HHEX: variants seen among roughly 807,000 people sequenced by gnomAD.
HHEX encodes hematopoietically expressed homeobox, also known as hematopoietically-expressed homeobox protein HHEX.
In HHEX, 8 loss-of-function variants were observed where a neutral mutation model predicts 27.0. The observed-to-expected ratio is 0.30, with a 90% CI of 0.17 to 0.54. The LOEUF (loss-of-function observed/expected upper bound fraction) is 0.54, where lower values mean the gene tolerates loss of function less well. Among genes scored for constraint, HHEX ranks in the 20% least tolerant of loss-of-function variants. The pLI is 0.95. For synonymous variants in HHEX, 164 were observed against 161.5 expected (o/e 1.02, Z -0.12); for missense variants, 326 against 357.2 (o/e 0.91, Z 0.70).
At chr10:92,692,569 G>A (rs1207254110) in intron 2 of HHEX, 23 bp downstream of exon 2, 1 of 1,612,376 alleles carries the variant, frequency 6.2e-7, no homozygotes, top group African/African-American at 1.3e-5. Flanking sequence ...GGGGCCTGGG[G>A]CCGCCTCCGG....
In HHEX at chr10:92,695,592, T is replaced by C. The variant is rs1302052410; in HGVS notation, c.*824T>C. 1.3e-5 allele frequency: 2 copies of C among 152,272 alleles called. No individual in the cohort carries two copies. The highest frequency in any genetic ancestry group is 2.9e-5 in the Non-Finnish European group (2 of 68,044). 9.4% of individuals were successfully genotyped at this position (152,272 alleles called of 1,614,324 possible). On this transcript the variant is annotated 3_prime_UTR_variant, in exon 4 of 4. Coordinates refer to ENST00000282728, the MANE Select transcript of HHEX (RefSeq NM_002729.5). ...AAAAATGGCCAAAATGTGTTTTTTT[T>C]TTAATAAGTAACTTGACTATAAAAT... is the stretch of plus-strand genomic sequence containing the variant.
In HHEX at chr10:92,694,410, T is replaced by A. The variant is rs962746482; in HGVS notation, c.592-137T>A. On this transcript the variant is annotated intron_variant, in intron 3 of 3. Transcript: ENST00000282728. ...AAAGCACAAGTATGTATCTCCTGAA[T>A]AAGATTATAAACTGAAAACACTCAG... 4.5e-6 allele frequency: 3 copies of A among 665,572 alleles called. No homozygotes were observed. In the African/African-American group the frequency reaches 5.5e-5, roughly 12 times the overall value. 41.2% of individuals were successfully genotyped at this position (665,572 alleles called of 1,614,324 possible). A position where few individuals can be genotyped will look rare whatever the true frequency, so the allele number is the denominator to read the frequency against.
rs1418617550 is a variant in HHEX at position 92,690,156 on chromosome 10, C to T, written c.170C>T (p.Ser57Phe). ...CCCACGCTGCCGTCCCCCAACTCCT[C>T]CTTCACCAGCCTCGTGTCCCCCTAC... ...PAPTLPSPNS[S>F]FTSLVSPYRT... Residue 57 changes from serine to phenylalanine, a missense_variant, in exon 1 of 4, where the codon TCC (serine) becomes TTC (phenylalanine). Ser to Phe is a radical substitution (Grantham distance 155). This residue lies in a region of HHEX where 215 missense variants were observed against 196.4 expected (regional missense o/e 1.09). Transcript: ENST00000282728. 2 of 1,555,784 alleles carry T rather than the reference C, an allele frequency of 1.3e-6. No homozygotes were observed. The highest frequency in any genetic ancestry group is 1.7e-6 in the Non-Finnish European group (2 of 1,150,402).
Position 92,690,110 on chromosome 10 carries a change from C to A in HHEX, c.124C>A (p.Pro42Thr). 1 of 1,548,014 alleles carries A rather than the reference C, an allele frequency of 6.5e-7. No individual in the cohort carries two copies. The highest frequency in any genetic ancestry group is 8.7e-7 in the Non-Finnish European group (1 of 1,145,736). Residue 42 changes from proline (P) to threonine (T), a missense_variant, in exon 1 of 4, where the codon CCC (proline) becomes ACC (threonine). This residue lies in a region of HHEX where 215 missense variants were observed against 196.4 expected (regional missense o/e 1.09). Transcript: ENST00000282728. ...CATCGAGGACATCCTGGGCCGCGGG[C>A]CCGCCGCGCCCACGCCCGCCCCCAC... ...FYIEDILGRGPAAPTPAPTLP... is the reference protein window; with the variant it reads ...FYIEDILGRGTAAPTPAPTLP...
In HHEX at chr10:92,692,695, C is replaced by G. The variant is rs1460677617; in HGVS notation, c.541-7C>G. 3.7e-6 allele frequency: 6 copies of G among 1,613,404 alleles called. No individual in the cohort carries two copies. The highest frequency in any genetic ancestry group is 1.1e-5 in the South Asian group (1 of 91,078). Reference sequence around the variant, plus strand: ...CGTTGCAAGTTTTCTTTCTCTCTTTCCTGTAGGTCAAAACCTGGTTTCAGA... The same window carrying G: ...CGTTGCAAGTTTTCTTTCTCTCTTTGCTGTAGGTCAAAACCTGGTTTCAGA... On this transcript the variant is annotated splice_polypyrimidine_tract_variant and splice_region_variant and intron_variant, in intron 2 of 3. Coordinates refer to ENST00000282728, the MANE Select transcript of HHEX (RefSeq NM_002729.5).
chr10:92,690,127 C>T lies in HHEX; in HGVS notation c.141C>T (p.Pro47=), dbSNP rs1270090042. ...GCCGCGGGCCCGCCGCGCCCACGCC[C>T]GCCCCCACGCTGCCGTCCCCCAACT... is the stretch of plus-strand genomic sequence containing the variant. The part of the protein sequence containing the change: ...ILGRGPAAPT[P]APTLPSPNSS... Residue 47 remains proline, a synonymous_variant, in exon 1 of 4, where the codon CCC becomes CCT. Coordinates refer to ENST00000282728, the MANE Select transcript of HHEX (RefSeq NM_002729.5). 3 of 1,548,672 alleles carry T rather than the reference C, an allele frequency of 1.9e-6. No individual in the cohort carries two copies. Among genetic ancestry groups the T allele is most frequent in the Admixed American group, 2.0e-5 (1 of 50,902 alleles).
intron 1 of HHEX, among the ~76,000 whole-genome samples, chr10:92,691,002 G>A (rs1845349262): frequency 6.6e-6 from 1 of 152,148 alleles, no homozygotes; most frequent in African/African-American, 2.4e-5. Flanking sequence ...GTGACTTTAT[G>A]GCAGCTAAAA....
rs1024947210 is a variant in HHEX, at chr10:92,690,336, A to T, written c.350A>T (p.His117Leu). 1 of 1,496,020 alleles carries T rather than the reference A, an allele frequency of 6.7e-7. No homozygotes were observed. The highest frequency in any genetic ancestry group is 8.9e-7 in the Non-Finnish European group (1 of 1,117,878). The allele number at this position is 1,496,020 out of a possible 1,614,324, so 92.7% of individuals were successfully genotyped here. A position where few individuals can be genotyped will look rare whatever the true frequency, so the allele number is the denominator to read the frequency against. Residue 117 changes from histidine (H) to leucine (L), a missense_variant, in exon 1 of 4, where the codon CAC becomes CTC. Coordinates refer to ENST00000282728, the MANE Select transcript of HHEX (RefSeq NM_002729.5). ...GACTACACGCACGCCCTGCTCCGCC[A>T]CGACCCCCTGGGTAAGGCGGCCGGG... ...VNDYTHALLRHDPLGKPLLWS... is the reference protein window; with the variant it reads ...VNDYTHALLRLDPLGKPLLWS...
intron 1 of HHEX, chr10:92,692,131 CTG>C (rs1845361156): frequency 4.6e-6 from 2 of 435,738 alleles, no homozygotes; most frequent in South Asian, 7.7e-5. Context: ...GGTGTGACGG[CTG>C]TGTGTCTGTC....
intron 3 of HHEX, among the ~76,000 whole-genome samples, 192 bp downstream of exon 3, chr10:92,692,944 TG>T (rs1160912301): frequency 6.6e-6 from 1 of 152,236 alleles, no homozygotes; most frequent in African/African-American, 2.4e-5. Context: ...AAGCACCTAA[TG>T]GGGTTCCTAT....
chr10:92,692,514 C>T lies in HHEX; in HGVS notation c.508C>T (p.Leu170=). 1 of 1,613,878 alleles carries T rather than the reference C, an allele frequency of 6.2e-7. No homozygotes were observed. The highest frequency in any genetic ancestry group is 1.3e-5 in the African/African-American group (1 of 75,028). Residue 170 remains leucine, a synonymous_variant, in exon 2 of 4, where the codon CTG becomes TTG. Transcript: ENST00000282728. ...TCTCTCTCCGCCCGAGAGGAAGCGT[C>T]TGGCCAAGATGCTGCAGCTCAGCGA... is the stretch of plus-strand genomic sequence containing the variant. ...KYLSPPERKR[L]AKMLQLSERQ...
chr10:92,692,143 C>A (rs1461605122), intron 1 of HHEX: 3 of 489,688 alleles, frequency 6.1e-6, no homozygotes, highest in Admixed American at 7.1e-5. Context: ...GTGTGTCTGT[C>A]TGTGTGTGTA....
At chr10:92,692,668 C>T (rs377275545) in intron 2 of HHEX, 34 bp from the exon 3 acceptor site, 11 of 1,611,116 alleles carry the variant, frequency 6.8e-6, no homozygotes, top group East Asian at 2.2e-5. Flanking sequence ...CCGACGCGGG[C>T]TCGTTGCAAG....
intron 1 of HHEX, among the ~76,000 whole-genome samples, chr10:92,691,180 C>G (rs1845351699): frequency 6.6e-6 from 1 of 152,164 alleles, no homozygotes; most frequent in Admixed American, 6.5e-5. Context: ...AGCAGCAGCT[C>G]CTGGTCGCCA....
chr10:92,694,842 G>A lies in HHEX; in HGVS notation c.*74G>A, dbSNP rs1009233011. On this transcript the variant is annotated 3_prime_UTR_variant, in exon 4 of 4. Transcript: ENST00000282728. Reference sequence around the variant, plus strand: ...TTTGCTACAGAAAATCTTCATAGAAGAACTGGAAGGCTATATAAGAAAGGG... The same window carrying A: ...TTTGCTACAGAAAATCTTCATAGAAAAACTGGAAGGCTATATAAGAAAGGG... 2.7e-6 allele frequency: 3 copies of A among 1,096,010 alleles called. No homozygotes were observed. The highest frequency in any genetic ancestry group is 4.1e-6 in the Non-Finnish European group (3 of 736,466). 67.9% of individuals were successfully genotyped at this position (1,096,010 alleles called of 1,614,324 possible). A position where few individuals can be genotyped will look rare whatever the true frequency, so the allele number is the denominator to read the frequency against.
At position 92,692,588 on chromosome 10, in the gene HHEX, A is replaced by T. The variant is rs771498064; in HGVS notation, c.540+42A>T. 6.8e-6 allele frequency: 11 copies of T among 1,610,840 alleles called. No individual in the cohort carries two copies. In the East Asian group the frequency reaches 2.5e-4, roughly 36 times the overall value. ...CCTGGGGCCGCCTCCGGGGAAGGGA[A>T]GGCTTCTGGGGTAGGGGTCGCCGGG... On this transcript the variant is annotated intron_variant, in intron 2 of 3. Transcript: ENST00000282728.
rs1465729223 is a variant in HHEX at position 92,694,552 on chromosome 10, C to T, written c.597C>T (p.Asn199=). Residue 199 remains asparagine, a synonymous_variant, in exon 4 of 4, where the codon AAC becomes AAT. Transcript: ENST00000282728. ...TTTTCATTTCCTTTATTCAGGAGAACCCTCAAAGCAATAAAAAAGAAGAAC... is the reference window on the plus strand; with the variant it reads ...TTTTCATTTCCTTTATTCAGGAGAATCCTCAAAGCAATAAAAAAGAAGAAC... The part of the protein sequence containing the change: ...RAKWRRLKQE[N]PQSNKKEELE... 8.1e-6 allele frequency: 13 copies of T among 1,611,906 alleles called. No homozygotes were observed. Among genetic ancestry groups the T allele is most frequent in the South Asian group, 1.1e-5 (1 of 91,028 alleles).
intron 3 of HHEX, among the ~76,000 whole-genome samples, chr10:92,693,826 AG>A (rs1435658517): frequency 6.6e-6 from 1 of 152,214 alleles, no homozygotes; most frequent in Non-Finnish European, 1.5e-5. Context: ...TATACTTAAT[AG>A]TTCTTGGTCA....
chr10:92,692,128 C>T (rs775229977), intron 1 of HHEX: 15 of 424,632 alleles, frequency 3.5e-5, no homozygotes, highest in Non-Finnish European at 5.5e-5. Context: ...CTAGGTGTGA[C>T]GGCTGTGTGT....
Sources: gnomAD v4.1 joint callset for allele counts (sites outside exome capture counted in the v4.1 genomes callset) on GRCh38, gnomAD v4.1.1 for gene constraint, gnomAD v4.1.1 regional missense constraint, MANE v1.5 for transcripts, NCBI Gene and HGNC (gene_info 2026-07-23, HGNC 2026-07-21) for gene names.